The following CNTN4 variants were observed in gnomAD, a reference collection of about 807,000 sequenced individuals.
CNTN4 encodes contactin-4.
In CNTN4, 77 loss-of-function variants were observed where a neutral mutation model predicts 122.5. The ratio of observed to expected loss-of-function variants is 0.63; its 90% CI spans 0.52 to 0.76. The LOEUF is 0.76. Among genes scored for constraint, CNTN4 ranks in the 30% least tolerant of loss-of-function variants. The probability of loss-of-function intolerance (pLI) is 0.00; values close to 1 mark genes in which losing one functional copy is unlikely to be tolerated. For synonymous variants in CNTN4, 512 were observed against 447.0 expected (o/e 1.15, Z -1.83); for missense variants, 1,256 against 1,259.1 (o/e 1.00, Z 0.04).
chr3:2,382,387 C>T (rs1191687202), intron 3 of CNTN4, among the ~76,000 whole-genome samples: 2 of 151,978 alleles, frequency 1.3e-5, no homozygotes, highest in African/African-American at 4.8e-5. Context: ...GAACTCCTGA[C>T]CTCATGATCC....
chr3:2,810,503 G>A (rs985143741), intron 6 of CNTN4, among the ~76,000 whole-genome samples: 11 of 152,242 alleles, frequency 7.2e-5, no homozygotes, highest in African/African-American at 1.9e-4. Flanking sequence ...CTAAATAGAG[G>A]ATTGCTGACC....
At chr3:2,332,189 C>T (rs2043758875) in intron 2 of CNTN4, among the ~76,000 whole-genome samples, 1 of 152,112 alleles carries the variant, frequency 6.6e-6, no homozygotes, top group Non-Finnish European at 1.5e-5. Context: ...GCCACAATGC[C>T]AACTACAGCT....
At chr3:2,279,982 T>G (rs1478065808) in intron 2 of CNTN4, among the ~76,000 whole-genome samples, 6 of 147,190 alleles carry the variant, frequency 4.1e-5, no homozygotes, top group Non-Finnish European at 7.7e-5. Flanking sequence ...GAGAGAGAGA[T>G]AGATATAGAG....
chr3:2,130,291 T>C (rs1411407858), intron 2 of CNTN4, among the ~76,000 whole-genome samples: 2 of 152,138 alleles, frequency 1.3e-5, no homozygotes, highest in Non-Finnish European at 1.5e-5. Flanking sequence ...CTCTGAACCA[T>C]TGAGGGCCAG....
chr3:2,868,901 G>A (rs2093753937), intron 8 of CNTN4, among the ~76,000 whole-genome samples: 1 of 152,126 alleles, frequency 6.6e-6, no homozygotes, highest in East Asian at 1.9e-4. Flanking sequence ...TTCTAAGGAG[G>A]GGACATTTGA....
intron 6 of CNTN4, among the ~76,000 whole-genome samples, chr3:2,760,257 G>A (rs934323085): frequency 6.6e-6 from 1 of 151,994 alleles, no homozygotes; most frequent in African/African-American, 2.4e-5. Context: ...CCTAATCCAA[G>A]GTGACAAAAA....
At chr3:2,820,818 TC>T (rs986511780) in intron 7 of CNTN4, among the ~76,000 whole-genome samples, 1 of 151,824 alleles carries the variant, frequency 6.6e-6, no homozygotes, top group Non-Finnish European at 1.5e-5. Flanking sequence ...GAACAAAAGT[TC>T]CTTGACCATA....
chr3:2,293,512 C>T (rs1404397744), intron 2 of CNTN4, among the ~76,000 whole-genome samples: 1 of 152,140 alleles, frequency 6.6e-6, no homozygotes, highest in African/African-American at 2.4e-5. Flanking sequence ...ACTTAATTTC[C>T]CTGTGTCTCA....
At chr3:2,879,866 G>GT (rs952569026) in intron 8 of CNTN4, among the ~76,000 whole-genome samples, 1 of 152,074 alleles carries the variant, frequency 6.6e-6, no homozygotes, top group African/African-American at 2.4e-5. Context: ...TTAAAAACTT[G>GT]TTTTTTAAAA....
At chr3:2,154,461 T>C (rs964455267) in intron 2 of CNTN4, among the ~76,000 whole-genome samples, 1 of 152,206 alleles carries the variant, frequency 6.6e-6, no homozygotes, top group Non-Finnish European at 1.5e-5. Context: ...TCATTCAGTC[T>C]ACACTGGCGT....
chr3:2,909,884 C>T (rs933259449), intron 12 of CNTN4, among the ~76,000 whole-genome samples: 5 of 152,130 alleles, frequency 3.3e-5, no homozygotes, highest in African/African-American at 4.8e-5. Flanking sequence ...CCAAGACCAC[C>T]GTTTGAGAAC....
intron 3 of CNTN4, among the ~76,000 whole-genome samples, chr3:2,444,332 G>T (rs779887805): frequency 2.6e-5 from 4 of 152,064 alleles, no homozygotes; most frequent in Admixed American, 6.6e-5. Context: ...AGGCAGTGGC[G>T]ACATTAGGTA....
intron 7 of CNTN4, among the ~76,000 whole-genome samples, chr3:2,844,583 C>T (rs1476003120): frequency 2.0e-5 from 3 of 152,138 alleles, no homozygotes; most frequent in Non-Finnish European, 4.4e-5. Flanking sequence ...CCTACAGAAA[C>T]GATCTCTTTC....
At chr3:2,631,865 C>CAAAAAAAAAACAAAAA (rs2082444306) in intron 4 of CNTN4, among the ~76,000 whole-genome samples, 1 of 70,192 alleles carries the variant, frequency 1.4e-5, no homozygotes, top group African/African-American at 5.3e-5. Context: ...CGTATCTCTA[C>CAAAAAAAAAACAAAAA]AAAAAAAAAA....
chr3:2,239,992 G>T (rs1294325943), intron 2 of CNTN4, among the ~76,000 whole-genome samples: 2 of 152,132 alleles, frequency 1.3e-5, no homozygotes, highest in African/African-American at 4.8e-5. Flanking sequence ...TCCTGCATAG[G>T]TTGCAGACTG....
At position 3,026,199 on chromosome 3, in the gene CNTN4, C is replaced by T. The variant is rs764025901; in HGVS notation, c.1584C>T (p.Asp528=). ...PCQVTHDHSL[D]IVFTWSFNGH... is the part of the protein sequence containing the mutation. The stretch of plus-strand genomic sequence containing the variant: ...AGGTAACGCATGATCACTCGCTAGA[C>T]ATCGTGTTTACTTGGTCATTTAATG... Residue 528 remains aspartate, a synonymous_variant, in exon 15 of 25, where the codon GAC becomes GAT. Transcript: ENST00000418658. 2 of 1,613,412 alleles carry T rather than the reference C, an allele frequency of 1.2e-6. No homozygotes were observed. Among genetic ancestry groups the T allele is most frequent in the Non-Finnish European group, 1.7e-6 (2 of 1,179,464 alleles).
intron 5 of CNTN4, among the ~76,000 whole-genome samples, chr3:2,742,559 GCGAATCCTATAGATACCCTCC>G (rs1480164461): frequency 4.6e-4 from 1 of 2,172 alleles, no homozygotes; most frequent in Admixed American, 0.01. Context: ...TTTTGCTACA[GCGAATCCTATAGATACCCTCC>G]CAGCAAAGCC....
intron 7 of CNTN4, among the ~76,000 whole-genome samples, chr3:2,864,759 T>G (rs2093706287): frequency 1.9e-5 from 1 of 53,952 alleles, no homozygotes; most frequent in Non-Finnish European, 3.7e-5. Flanking sequence ...AAAAAAAGTT[T>G]CCGGTATTTG....
At chr3:3,028,733 G>C (rs1368977341) in intron 15 of CNTN4, among the ~76,000 whole-genome samples, 1 of 152,100 alleles carries the variant, frequency 6.6e-6, no homozygotes, top group Non-Finnish European at 1.5e-5. Flanking sequence ...TCTTAATAAT[G>C]ATGATGATAA....
Sources: allele counts gnomAD v4.1 joint callset (sites outside exome capture counted in the v4.1 genomes callset), GRCh38; gene constraint gnomAD v4.1.1; transcripts MANE v1.5; gene names NCBI Gene and HGNC (gene_info 2026-07-23, HGNC 2026-07-21).